Variants in SPON2 observed in about 807,000 individuals in gnomAD.
SPON2 encodes the protein spondin 2, also known as spondin-2.
Under a neutral mutation model 29.9 loss-of-function variants are expected in SPON2, and 32 were observed. The observed-to-expected ratio is 1.07, with a 90% CI of 0.81 to 1.44. The LOEUF (loss-of-function observed/expected upper bound fraction) is 1.44, where lower values mean the gene tolerates loss of function less well. Among genes scored for constraint, SPON2 ranks in the 40% most tolerant of loss-of-function variants. SPON2 has a pLI of 0.00. For missense variants in SPON2, 541 were observed against 455.5 expected, an observed-to-expected ratio of 1.19 and a Z score of -1.71; for synonymous variants, 248 against 209.1, an observed-to-expected ratio of 1.19 and a Z score of -1.61.
In SPON2 at chr4:1,193,931, G is replaced by A. The variant is rs4083305; in HGVS notation, c.-239+1059C>T. On this transcript the variant is annotated intron_variant, in intron 1 of 3. Coordinates refer to the SPON2 transcript ENST00000502483. ...GCGGGTGGCGTGGAAAGGACGTGGG[G>A]GAGCTGTGGGAATAACACGGGGGTG... 5.5e-3 allele frequency among the ~76,000 whole-genome samples: 826 copies of A among 150,816 alleles called. 7 individuals are homozygous for A. The highest frequency in any genetic ancestry group is 6.7e-3 in the Non-Finnish European group (454 of 67,560).
At chr4:1,195,551 CAT>C (rs1044256141), upstream of SPON2, among the ~76,000 whole-genome samples, 1 of 151,974 alleles carries the variant, frequency 6.6e-6, no homozygotes, top group African/African-American at 2.4e-5. Context: ...CCGGGCACCA[CAT>C]GTGGGTAGGC....
intron 5 of SPON2, 96 bp from the exon 6 acceptor site, chr4:1,167,752 G>A (rs1195181505): frequency 1.9e-5 from 26 of 1,361,640 alleles, no homozygotes; most frequent in Non-Finnish European, 2.6e-5. Context: ...GCATTCATCA[G>A]AGGCCACGCC....
At chr4:1,204,879 C>T (rs1006389123) in intron 1 of SPON2, 5 of 152,204 alleles carry the variant, frequency 3.3e-5, no homozygotes, top group Admixed American at 3.3e-4. Context: ...TGGGAATGGT[C>T]CCTTTTCTTT....
upstream of SPON2, among the ~76,000 whole-genome samples, chr4:1,176,545 A>G (rs1449772549): frequency 6.6e-6 from 1 of 152,104 alleles, no homozygotes; most frequent in African/African-American, 2.4e-5. Context: ...TCATTCACTA[A>G]TTCACTCACA....
chr4:1,177,751 C>T (rs1243641706), upstream of SPON2, among the ~76,000 whole-genome samples: 1 of 152,170 alleles, frequency 6.6e-6, no homozygotes, highest in Non-Finnish European at 1.5e-5. Flanking sequence ...TGCCCACAGC[C>T]CCTCCCTGGG....
At chr4:1,181,213 G>A (rs1727695082) in intron 1 of SPON2, among the ~76,000 whole-genome samples, 1 of 152,186 alleles carries the variant, frequency 6.6e-6, no homozygotes, top group Non-Finnish European at 1.5e-5. Flanking sequence ...AAACATGGAG[G>A]CCAGTAGGCA....
At chr4:1,172,332 C>A in intron 1 of SPON2, 3 of 563,832 alleles carry the variant, frequency 5.3e-6, no homozygotes, top group Non-Finnish European at 9.5e-6. Flanking sequence ...CTGCAGCTTG[C>A]CGGGCCGGTC....
chr4:1,170,641 C>T (rs1416910958), intron 4 of SPON2, 65 bp from the exon 5 acceptor site: 1 of 1,532,108 alleles, frequency 6.5e-7, no homozygotes, highest in Non-Finnish European at 8.9e-7. Context: ...ATGCGTATGG[C>T]CTCACTGGGG....
chr4:1,176,909 A>C (rs528436594), upstream of SPON2, among the ~76,000 whole-genome samples: 17 of 122,124 alleles, frequency 1.4e-4, no homozygotes, highest in African/African-American at 6.6e-4. Flanking sequence ...TTCATTCATT[A>C]ACCACAAGGT....
At chr4:1,167,807 AGCG>A in intron 5 of SPON2, 151 bp from the exon 6 acceptor site, 2 of 759,958 alleles carry the variant, frequency 2.6e-6, no homozygotes, top group Middle Eastern at 3.8e-4. Flanking sequence ...TCGCAGAGTG[AGCG>A]GCAAGATGGG....
intron 1 of SPON2, chr4:1,200,765 G>A: frequency 2.2e-6 from 1 of 455,224 alleles, no homozygotes. Flanking sequence ...GAGGGTGGGT[G>A]CAGCCCCCCA....
At chr4:1,176,311 T>TC (rs992147205), upstream of SPON2, among the ~76,000 whole-genome samples, 35 of 151,584 alleles carry the variant, frequency 2.3e-4, no homozygotes, top group African/African-American at 2.4e-5. Flanking sequence ...TTGCAAGGTG[T>TC]CCCCCCACCC....
At chr4:1,199,543 C>A (rs765854764), upstream of SPON2, 18 of 152,224 alleles carry the variant, frequency 1.2e-4, no homozygotes, top group Non-Finnish European at 2.5e-4. The surrounding 1 kb of genome is among the most constrained non-coding windows in gnomAD (Gnocchi z 4.5). Context: ...TTTGCCATGG[C>A]AACTGAGTAG....
chr4:1,171,475 T>A lies in SPON2; in HGVS notation c.232A>T (p.Ser78Cys), dbSNP rs1330323230. 5 of 1,611,430 alleles carry A rather than the reference T, an allele frequency of 3.1e-6. No individual in the cohort carries two copies. The African/African-American group carries it at 5.3e-5, about 17-fold the overall frequency. Residue 78 changes from serine (S) to cysteine (C), a missense_variant, in exon 3 of 6, where the codon AGC becomes TGC. Ser to Cys is a moderately radical substitution (Grantham distance 112). Transcript: ENST00000290902. ...TTCCTCCACATGCTGTAGTCGGAGC[T>A]ATGCGCGGCCCCTGCAGGACCACCC... Reference protein sequence around the residue: ...QWSSLLGAAHSSDYSMWRKNQ... With the variant: ...QWSSLLGAAHCSDYSMWRKNQ...
At chr4:1,189,653 A>G (rs1393031539) in intron 1 of SPON2, among the ~76,000 whole-genome samples, 2 of 149,442 alleles carry the variant, frequency 1.3e-5, no homozygotes, top group Non-Finnish European at 3.0e-5. Context: ...AAAAAAAAAA[A>G]AAAAAGAAAG....
upstream of SPON2, among the ~76,000 whole-genome samples, chr4:1,196,223 G>T (rs1462769227): frequency 6.6e-6 from 1 of 152,226 alleles, no homozygotes; most frequent in African/African-American, 2.4e-5. Context: ...CACACCCAGA[G>T]GCCACGTGTT....
At chr4:1,186,009 C>T (rs1183342739) in intron 1 of SPON2, among the ~76,000 whole-genome samples, 5 of 150,834 alleles carry the variant, frequency 3.3e-5, no homozygotes, top group South Asian at 2.1e-4. Context: ...CTTTGGGAGG[C>T]CGAGGCGGGC....
At chr4:1,207,145 G>A (rs1256024997) in intron 1 of SPON2, among the ~76,000 whole-genome samples, 6 of 152,196 alleles carry the variant, frequency 3.9e-5, no homozygotes, top group Middle Eastern at 3.4e-3. Context: ...AGGCTGACCT[G>A]GGACGCCAGG....
chr4:1,186,082 A>C (rs1381586617), intron 1 of SPON2, among the ~76,000 whole-genome samples: 3 of 135,126 alleles, frequency 2.2e-5, no homozygotes, highest in African/African-American at 7.4e-5. Context: ...ATCTCTACTA[A>C]AAATACAAAA....
Sources: gnomAD v4.1 joint callset for allele counts (sites outside exome capture counted in the v4.1 genomes callset) on GRCh38, gnomAD v4.1.1 for gene constraint, Gnocchi (gnomAD v3.1) non-coding constraint, MANE v1.5 for transcripts, NCBI Gene and HGNC (gene_info 2026-07-23, HGNC 2026-07-21) for gene names.